Variants in PRKCE observed in about 807,000 individuals in gnomAD.
PRKCE encodes protein kinase C epsilon type.
PRKCE carries 16 observed loss-of-function variants against 85.4 expected under a neutral mutation model. The observed-to-expected ratio is 0.19, with a 90% CI of 0.13 to 0.28. PRKCE has a LOEUF of 0.28. PRKCE is among the 10% of genes least tolerant of loss of function. The pLI is 1.00. For missense variants in PRKCE, 573 were observed against 975.2 expected, an observed-to-expected ratio of 0.59 and a Z score of 5.49; for synonymous variants, 388 against 371.5, an observed-to-expected ratio of 1.04 and a Z score of -0.51.
chr2:46,036,008 G>T (rs1707833811), intron 10 of PRKCE, among the ~76,000 whole-genome samples: 1 of 152,226 alleles, frequency 6.6e-6, no homozygotes, highest in Non-Finnish European at 1.5e-5. Flanking sequence ...AAAGGTGTTT[G>T]TTTGTTGTAA....
chr2:46,015,691 C>CAAAA (rs749060776), intron 10 of PRKCE, among the ~76,000 whole-genome samples: 15 of 80,772 alleles, frequency 1.9e-4, no homozygotes, highest in African/African-American at 4.6e-4. Flanking sequence ...AACACTAAAC[C>CAAAA]AAAAAAAAAA....
chr2:45,967,396 G>C lies in PRKCE; in HGVS notation c.413-9033G>C, dbSNP rs1051745511. On this transcript the variant is annotated intron_variant, in intron 2 of 14. Transcript: ENST00000306156. ...GGGGCCATCCTGGAGTGTCCCCTGGGGTGAAGGAGGTCCTGGAGGCCTACC... is the reference window on the plus strand; with the variant it reads ...GGGGCCATCCTGGAGTGTCCCCTGGCGTGAAGGAGGTCCTGGAGGCCTACC... 5.9e-5 allele frequency among the ~76,000 whole-genome samples: 9 copies of C among 152,076 alleles called. No individual in the cohort carries two copies. The East Asian group carries it at 1.7e-3, about 29-fold the overall frequency.
chr2:45,853,569 G>A (rs993746382), intron 2 of PRKCE, among the ~76,000 whole-genome samples: 5 of 152,146 alleles, frequency 3.3e-5, no homozygotes, highest in Admixed American at 6.5e-5. Flanking sequence ...TAGGCAGGTC[G>A]CACCTGCTTT....
At chr2:46,124,269 G>A (rs1045914091) in intron 11 of PRKCE, among the ~76,000 whole-genome samples, 1 of 152,148 alleles carries the variant, frequency 6.6e-6, no homozygotes, top group Non-Finnish European at 1.5e-5. Flanking sequence ...AGGTTGCAGT[G>A]ATCCAAGATC....
chr2:46,100,095 G>A (rs941700607), intron 11 of PRKCE, among the ~76,000 whole-genome samples: 5 of 152,166 alleles, frequency 3.3e-5, no homozygotes, highest in African/African-American at 1.2e-4. Context: ...GTGATCCTAA[G>A]ATTGTTTGGT....
At chr2:45,720,738 AAAG>A (rs1680547871) in intron 1 of PRKCE, among the ~76,000 whole-genome samples, 1 of 152,180 alleles carries the variant, frequency 6.6e-6, no homozygotes, top group African/African-American at 2.4e-5. Context: ...GTGAATTTGG[AAAG>A]AAGATTGGTC....
rs367551886 is a variant in PRKCE at position 45,755,439 on chromosome 2, C to T, written c.349-87561C>T. On this transcript the variant is annotated intron_variant, in intron 1 of 14. Transcript: ENST00000306156. ...TAGCAAATCTAACCTGCCCAAGACA[C>T]GGTCCTTCATTCTACAGTGACCTTC... 7.2e-5 allele frequency among the ~76,000 whole-genome samples: 11 copies of T among 152,298 alleles called. No individual in the cohort carries two copies. The East Asian group carries it at 9.6e-4, about 13-fold the overall frequency.
intron 11 of PRKCE, among the ~76,000 whole-genome samples, chr2:46,099,295 C>G (rs893078122): frequency 6.6e-6 from 1 of 152,190 alleles, no homozygotes; most frequent in South Asian, 2.1e-4. Flanking sequence ...CTTTCTATCT[C>G]CTCAACAGCT....
intron 1 of PRKCE, among the ~76,000 whole-genome samples, chr2:45,701,116 G>C (rs547184707): frequency 1.3e-5 from 2 of 152,296 alleles, no homozygotes; most frequent in South Asian, 2.1e-4. Context: ...AGGAAGGAAG[G>C]ACAAAGAAGG....
chr2:45,881,502 A>C (rs565839961), intron 2 of PRKCE, among the ~76,000 whole-genome samples: 2 of 152,348 alleles, frequency 1.3e-5, no homozygotes, highest in Non-Finnish European at 1.5e-5. Flanking sequence ...TTGCAGTTAA[A>C]ATATTTTATA....
At chr2:46,164,845 G>A (rs1257599800) in intron 14 of PRKCE, 1 of 152,336 alleles carries the variant, frequency 6.6e-6, no homozygotes, top group African/African-American at 2.4e-5. Flanking sequence ...CACCACCACA[G>A]AGGCCGAGGA....
Position 46,075,288 on chromosome 2 carries a change from G to A in PRKCE, c.1438-10920G>A, listed in dbSNP as rs139948623. Among the ~76,000 whole-genome samples the A allele has an allele frequency of 2.0e-3, 304 of 151,926 alleles. 10 individuals carry two copies. The East Asian group carries it at 0.037, about 18-fold the overall frequency. On this transcript the variant is annotated intron_variant, in intron 10 of 14. Coordinates refer to ENST00000306156, the MANE Select transcript of PRKCE (RefSeq NM_005400.3). ...AATCTCCTCGTGATCCGCCCACCTC[G>A]GCCTCCCAAAGTGCTGGGATTACAG...
At chr2:45,772,447 G>C (rs928875760) in intron 1 of PRKCE, among the ~76,000 whole-genome samples, 1 of 152,276 alleles carries the variant, frequency 6.6e-6, no homozygotes, top group East Asian at 1.9e-4. Context: ...CAATGAGAAA[G>C]AAATGCAATA....
At chr2:45,984,152 G>A (rs1487042890) in intron 5 of PRKCE, among the ~76,000 whole-genome samples, 2 of 151,966 alleles carry the variant, frequency 1.3e-5, no homozygotes, top group African/African-American at 2.4e-5. Flanking sequence ...TGGCCAGGCT[G>A]GTCTCGAACT....
At chr2:45,854,468 G>A (rs1015961581) in intron 2 of PRKCE, among the ~76,000 whole-genome samples, 3 of 152,184 alleles carry the variant, frequency 2.0e-5, no homozygotes, top group African/African-American at 7.2e-5. Context: ...GCATTAGGTG[G>A]CATCATGATG....
intron 2 of PRKCE, among the ~76,000 whole-genome samples, chr2:45,942,895 G>A (rs971200838): frequency 1.3e-5 from 2 of 152,092 alleles, no homozygotes; most frequent in African/African-American, 4.8e-5. Context: ...ACATTTAACA[G>A]TAACAGTGCT....
intron 8 of PRKCE, 83 bp from the exon 9 acceptor site, chr2:46,007,378 AG>A: frequency 1.5e-6 from 2 of 1,358,376 alleles, no homozygotes; most frequent in Non-Finnish European, 2.1e-6. Context: ...GAGAGCTTAC[AG>A]GGGAAAGTCT....
At chr2:46,007,030 A>C (rs529084758) in intron 8 of PRKCE, among the ~76,000 whole-genome samples, 43 of 152,344 alleles carry the variant, frequency 2.8e-4, no homozygotes, top group African/African-American at 9.6e-4. Flanking sequence ...TTATATCACC[A>C]GTGATTACTG....
intron 11 of PRKCE, among the ~76,000 whole-genome samples, chr2:46,111,389 T>G (rs1672241134): frequency 6.6e-6 from 1 of 152,104 alleles, no homozygotes; most frequent in African/African-American, 2.4e-5. Flanking sequence ...AAATCAATGG[T>G]TTTTAGTCTA....
Sources: gnomAD v4.1 joint callset for allele counts (sites outside exome capture counted in the v4.1 genomes callset) on GRCh38, gnomAD v4.1.1 for gene constraint, MANE v1.5 for transcripts, NCBI Gene and HGNC (gene_info 2026-07-23, HGNC 2026-07-21) for gene names.